TAFA1: variants seen among roughly 807,000 people sequenced by gnomAD.
The protein encoded by TAFA1 is TAFA chemokine like family member 1, also known as chemokine-like protein TAFA-1.
A neutral mutation model predicts 18.5 loss-of-function variants in TAFA1; 4 were observed. The observed-to-expected ratio is 0.22, with a 90% confidence interval of 0.11 to 0.49. TAFA1 has a LOEUF of 0.49. Among genes scored for constraint, TAFA1 ranks in the 20% least tolerant of loss-of-function variants. TAFA1 has a pLI of 0.98. For synonymous variants in TAFA1, 56 were observed against 55.2 expected (o/e 1.01, Z -0.06); for missense variants, 147 against 169.0 (o/e 0.87, Z 0.72).
chr3:68,399,469 T>C (rs1461874498), intron 2 of TAFA1, among the ~76,000 whole-genome samples: 1 of 152,174 alleles, frequency 6.6e-6, no homozygotes, highest in Non-Finnish European at 1.5e-5. Context: ...TAGGAATCAA[T>C]GATGGTGAGT....
chr3:67,991,646 C>A, the TAFA1 span, among the ~76,000 whole-genome samples: 1 of 152,222 alleles, frequency 6.6e-6, no homozygotes, highest in African/African-American at 2.4e-5. Flanking sequence ...ACACAAGCAA[C>A]CTGCTGGGTT....
chr3:68,331,130 A>G (rs1369717884), intron 2 of TAFA1, among the ~76,000 whole-genome samples: 1 of 151,410 alleles, frequency 6.6e-6, no homozygotes, highest in East Asian at 1.9e-4. Flanking sequence ...GTACTAGTAC[A>G]TGCTATAACA....
chr3:68,245,045 T>C (rs904937351), intron 2 of TAFA1, among the ~76,000 whole-genome samples: 1 of 152,222 alleles, frequency 6.6e-6, no homozygotes, highest in Non-Finnish European at 1.5e-5. Flanking sequence ...TATTTTGTTG[T>C]ATAGTCAGGA....
chr3:68,165,815 G>A (rs2065975824), intron 2 of TAFA1, among the ~76,000 whole-genome samples: 1 of 152,246 alleles, frequency 6.6e-6, no homozygotes, highest in Non-Finnish European at 1.5e-5. Flanking sequence ...TAGAAGGCAA[G>A]TGGCTTCGTT....
At chr3:68,443,846 A>G (rs907589218) in intron 3 of TAFA1, among the ~76,000 whole-genome samples, 4 of 152,164 alleles carry the variant, frequency 2.6e-5, no homozygotes, top group Admixed American at 1.3e-4. Context: ...ATAAACCACA[A>G]CATGAGTCAT....
At chr3:68,306,201 T>C (rs1575763703) in intron 2 of TAFA1, among the ~76,000 whole-genome samples, 1 of 152,234 alleles carries the variant, frequency 6.6e-6, no homozygotes, top group Admixed American at 6.5e-5. Flanking sequence ...GATAATTGTC[T>C]AGTGTGTGAC....
chr3:68,263,692 G>A (rs992651286), intron 2 of TAFA1, among the ~76,000 whole-genome samples: 3 of 152,002 alleles, frequency 2.0e-5, no homozygotes, highest in South Asian at 4.2e-4. Context: ...CACCTATCTT[G>A]TCTCTCAATC....
chr3:68,348,165 A>G (rs2069198529), intron 2 of TAFA1, among the ~76,000 whole-genome samples: 2 of 152,162 alleles, frequency 1.3e-5, no homozygotes, highest in South Asian at 2.1e-4. Context: ...TGTGTCATCT[A>G]GAGCAAGTTA....
At chr3:68,408,388 C>T (rs780946455) in intron 2 of TAFA1, among the ~76,000 whole-genome samples, 63 of 152,152 alleles carry the variant, frequency 4.1e-4, no homozygotes, top group Non-Finnish European at 7.3e-4. Flanking sequence ...ATGACTCGAT[C>T]CCCAACCAAA....
intron 3 of TAFA1, among the ~76,000 whole-genome samples, chr3:68,521,454 C>T (rs1212400529): frequency 6.6e-6 from 1 of 152,104 alleles, no homozygotes; most frequent in African/African-American, 2.4e-5. Flanking sequence ...AAACACACAA[C>T]TGGAAATGTA....
chr3:68,062,957 G>A (rs561854351), intron 2 of TAFA1, among the ~76,000 whole-genome samples: 91 of 152,194 alleles, frequency 6.0e-4, no homozygotes, highest in African/African-American at 2.0e-3. Flanking sequence ...GAACTTTATC[G>A]TCTAACAGGT....
intron 3 of TAFA1, among the ~76,000 whole-genome samples, chr3:68,442,684 G>C (rs2071406216): frequency 6.6e-6 from 1 of 152,098 alleles, no homozygotes; most frequent in Admixed American, 6.6e-5. Flanking sequence ...AAAATGTATG[G>C]GATGCTTTGC....
chr3:68,430,671 A>G (rs1487038764), intron 3 of TAFA1, among the ~76,000 whole-genome samples: 1 of 151,960 alleles, frequency 6.6e-6, no homozygotes, highest in East Asian at 1.9e-4. Context: ...ACAATGCCAA[A>G]GCAAAGCAAG....
intron 3 of TAFA1, among the ~76,000 whole-genome samples, chr3:68,456,117 C>A (rs894026857): frequency 6.6e-6 from 1 of 152,062 alleles, no homozygotes. Context: ...ACTTCAGGGA[C>A]AAAGCATCAA....
intron 3 of TAFA1, among the ~76,000 whole-genome samples, chr3:68,431,298 A>G (rs2071165863): frequency 6.6e-6 from 1 of 152,004 alleles, no homozygotes; most frequent in South Asian, 2.1e-4. Context: ...TTGAGAAACA[A>G]TGTAATAAAA....
the TAFA1 span, among the ~76,000 whole-genome samples, chr3:67,994,797 G>A: frequency 6.6e-6 from 1 of 152,186 alleles, no homozygotes; most frequent in South Asian, 2.1e-4. Flanking sequence ...GAAGATCCCT[G>A]AAAACTTGTC....
At chr3:68,197,582 T>G (rs1172153760) in intron 2 of TAFA1, among the ~76,000 whole-genome samples, 1 of 151,608 alleles carries the variant, frequency 6.6e-6, no homozygotes, top group African/African-American at 2.4e-5. Context: ...CTTTTTTTTT[T>G]AATTGCTGGC....
chr3:68,136,599 G>A (rs1040740554), intron 2 of TAFA1, among the ~76,000 whole-genome samples: 4 of 152,136 alleles, frequency 2.6e-5, no homozygotes, highest in Non-Finnish European at 5.9e-5. Flanking sequence ...GGGCGCATTC[G>A]TTGCTTCTCT....
At chr3:68,528,970 G>A (rs1337038786) in intron 3 of TAFA1, among the ~76,000 whole-genome samples, 5 of 151,992 alleles carry the variant, frequency 3.3e-5, no homozygotes, top group Admixed American at 6.6e-5. Context: ...TACTTCAAAT[G>A]TACTTTCTCA....
Sources: gnomAD v4.1 joint callset for allele counts (sites outside exome capture counted in the v4.1 genomes callset) on GRCh38, gnomAD v4.1.1 for gene constraint, MANE v1.5 for transcripts, NCBI Gene and HGNC (gene_info 2026-07-23, HGNC 2026-07-21) for gene names.